The following TRPA1 variants were observed in gnomAD, a reference collection of about 807,000 sequenced individuals.
TRPA1 encodes the protein transient receptor potential cation channel subfamily A member 1.
Under a neutral mutation model 131.3 loss-of-function variants are expected in TRPA1, and 129 were observed. That is an observed-to-expected ratio of 0.98 (90% CI 0.85 to 1.14). The LOEUF (loss-of-function observed/expected upper bound fraction) is 1.14. Among genes scored for constraint, TRPA1 ranks in the 50% most tolerant of loss-of-function variants. The probability of loss-of-function intolerance (pLI) is 0.00; values close to 1 mark genes in which losing one functional copy is unlikely to be tolerated. For missense variants in TRPA1, 1,304 were observed against 1,354.2 expected (o/e 0.96, Z 0.58); for synonymous variants, 441 against 451.7 (o/e 0.98, Z 0.30).
At position 72,061,606 on chromosome 8, in the gene TRPA1, T is replaced by C. The variant is rs758659187; in HGVS notation, c.944+19A>G. ...GAAGATGAAAAATCTGTATACAGAATGATAGGTAGGAAACTTGCCTGTGAA... is the reference window on the plus strand; with the variant it reads ...GAAGATGAAAAATCTGTATACAGAACGATAGGTAGGAAACTTGCCTGTGAA... On this transcript the variant is annotated intron_variant, in intron 7 of 26. Transcript: ENST00000262209. The C allele has an allele frequency of 6.2e-7, 1 of 1,613,782 alleles. No homozygotes were observed. The highest frequency in any genetic ancestry group is 2.2e-5 in the East Asian group (1 of 44,858).
intron 3 of TRPA1, among the ~76,000 whole-genome samples, chr8:72,068,377 C>T (rs374399877): frequency 7.9e-5 from 12 of 152,254 alleles, no homozygotes; most frequent in African/African-American, 2.9e-4. Flanking sequence ...CTAATTCTTA[C>T]CCTTTAGCAA....
At chr8:72,086,635 C>A in the TRPA1 span, among the ~76,000 whole-genome samples, 1 of 152,116 alleles carries the variant, frequency 6.6e-6, no homozygotes, top group Non-Finnish European at 1.5e-5. Flanking sequence ...GTTTCTAATT[C>A]ATTTCTTTAT....
At chr8:72,048,645 A>C (rs1805411293) in intron 15 of TRPA1, among the ~76,000 whole-genome samples, 1 of 152,172 alleles carries the variant, frequency 6.6e-6, no homozygotes, top group African/African-American at 2.4e-5. Context: ...TTTCAAGAGC[A>C]ACTTTTCAGA....
chr8:72,075,336 A>T lies in TRPA1; in HGVS notation c.74T>A (p.Val25Glu). Residue 25 changes from valine (V) to glutamate (E), a missense_variant, in exon 1 of 27, where the codon GTG becomes GAG. By Grantham distance (121) the Val-to-Glu change is moderately radical. Transcript: ENST00000262209. The stretch of plus-strand genomic sequence containing the variant: ...CTTGAAATCCTCCGTGTCGTCCGGC[A>T]CATCCTCATAGACAACGCCCTGGGG... The part of the protein sequence containing the change: ...KEPQGVVYED[V>E]PDDTEDFKES... 6.2e-7 allele frequency: 1 copy of T among 1,613,354 alleles called. No homozygotes were observed. Among genetic ancestry groups the T allele is most frequent in the Non-Finnish European group, 8.5e-7 (1 of 1,179,836 alleles).
In TRPA1 at chr8:72,063,572, C is replaced by G. The variant is rs1805861243; in HGVS notation, c.553-1G>C. 6.2e-7 allele frequency: 1 copy of G among 1,607,322 alleles called. No homozygotes were observed. The highest frequency in any genetic ancestry group is 8.5e-7 in the Non-Finnish European group (1 of 1,174,432). On this transcript the variant is annotated splice_acceptor_variant, in intron 4 of 26. Transcript: ENST00000262209. LOFTEE classifies it high-confidence loss of function. ...TACATGGCTTAGCTCCTTTTTTAAGCTGGAAGAAAAGACAAAATGAAAAAT... is the reference window on the plus strand; with the variant it reads ...TACATGGCTTAGCTCCTTTTTTAAGGTGGAAGAAAAGACAAAATGAAAAAT...
At chr8:72,088,878 G>C in the TRPA1 span, among the ~76,000 whole-genome samples, 1 of 152,006 alleles carries the variant, frequency 6.6e-6, no homozygotes, top group Non-Finnish European at 1.5e-5. Context: ...CATTCCCAGG[G>C]CTCTTGGCAA....
In TRPA1 at chr8:72,071,863, A is replaced by G. The variant is rs778619032; in HGVS notation, c.116T>C (p.Val39Ala). The change falls in exon 2 of 27, where the codon GTT (valine) becomes GCT (alanine). Residue 39 changes from valine to alanine, a missense_variant. Coordinates refer to ENST00000262209, the MANE Select transcript of TRPA1 (RefSeq NM_007332.3). ...TAATCCATATGCACTTCCTTCAAAA[A>G]CCACCTAGAGGTATTTAAACACCAT... ...TEDFKESLKVVFEGSAYGLQN... is the reference protein window; with the variant it reads ...TEDFKESLKVAFEGSAYGLQN... 1.2e-6 allele frequency: 2 copies of G among 1,611,594 alleles called. No individual in the cohort carries two copies. Among genetic ancestry groups the G allele is most frequent in the Non-Finnish European group, 8.5e-7 (1 of 1,179,690 alleles).
At position 72,057,726 on chromosome 8, in the gene TRPA1, G is replaced by A; in HGVS notation, c.1084C>T (p.Leu362Phe). The A allele has an allele frequency of 5.6e-6, 9 of 1,613,222 alleles. No individual in the cohort carries two copies. The highest frequency in any genetic ancestry group is 7.6e-6 in the Non-Finnish European group (9 of 1,179,340). Residue 362 changes from leucine to phenylalanine, a missense_variant, in exon 9 of 27, where the codon CTC becomes TTC. Physicochemically the swap from Leu to Phe is conservative, Grantham distance 22. Transcript: ENST00000262209. The part of the protein sequence containing the change: ...SASWNIVNLL[L>F]SKGAQVDIKD... ...TGTTCCCTCTTGGTACCTTTAGAGAGTAGCAAATTTACAATATTCCAAGAT... is the reference window on the plus strand; with the variant it reads ...TGTTCCCTCTTGGTACCTTTAGAGAATAGCAAATTTACAATATTCCAAGAT...
chr8:72,057,174 A>C (rs1805689346), intron 9 of TRPA1, among the ~76,000 whole-genome samples, 157 bp from the exon 10 acceptor site: 1 of 152,188 alleles, frequency 6.6e-6, no homozygotes, highest in Non-Finnish European at 1.5e-5. Context: ...AACATATTTA[A>C]AATCAGGTTT....
intron 15 of TRPA1, among the ~76,000 whole-genome samples, chr8:72,048,874 T>C (rs1805417714): frequency 6.6e-6 from 1 of 152,222 alleles, no homozygotes; most frequent in Admixed American, 6.5e-5. Context: ...CTGTTTACTA[T>C]GTTTCCACAT....
intron 1 of TRPA1, among the ~76,000 whole-genome samples, chr8:72,072,124 C>A (rs1806077317): frequency 6.6e-6 from 1 of 152,164 alleles, no homozygotes; most frequent in African/African-American, 2.4e-5. Context: ...AAAGGCCGTT[C>A]TTCCTCATTG....
In TRPA1 at chr8:72,043,149, C is replaced by T. The variant is rs373320807; in HGVS notation, c.2062-3352G>A. Among the ~76,000 whole-genome samples, 19 of 151,970 alleles carry T rather than the reference C, an allele frequency of 1.3e-4. No individual in the cohort carries two copies. In the South Asian group the frequency reaches 3.9e-3, roughly 31 times the overall value. The stretch of plus-strand genomic sequence containing the variant: ...CGGGATAAGGCCATAGTTCTCACCA[C>T]ACCTAAGCCTCAGTTCTAGGCAGGC... On this transcript the variant is annotated intron_variant, in intron 17 of 26. Transcript: ENST00000262209.
Position 72,075,460 on chromosome 8 carries a change from C to T in TRPA1, c.-51G>A, listed in dbSNP as rs1445558738. On this transcript the variant is annotated 5_prime_UTR_variant, in exon 1 of 27. Transcript: ENST00000262209. ...TGCAGCTGCTCACCACGCGCGCGGGCACCTGGGGCGAGAGAGCGCTGTCAG... is the reference window on the plus strand; with the variant it reads ...TGCAGCTGCTCACCACGCGCGCGGGTACCTGGGGCGAGAGAGCGCTGTCAG... The T allele has an allele frequency of 1.4e-6, 2 of 1,470,390 alleles. No individual in the cohort carries two copies. Among genetic ancestry groups the T allele is most frequent in the South Asian group, 2.3e-5 (2 of 88,360 alleles). The allele number at this position is 1,470,390 out of a possible 1,614,324, so 91.1% of individuals were successfully genotyped here.
upstream of TRPA1, among the ~76,000 whole-genome samples, chr8:72,078,081 G>GA (rs140349694): frequency 0.038 from 5,812 of 151,416 alleles, 377 homozygotes; most frequent in African/African-American, 0.13. Context: ...AACATTTTAT[G>GA]AAAAAAATCT....
chr8:72,046,471 A>G (rs1393853766), intron 17 of TRPA1, 42 bp downstream of exon 17: 2 of 1,224,018 alleles, frequency 1.6e-6, no homozygotes, highest in African/African-American at 1.6e-5. Context: ...AAAAAAAAAG[A>G]AAAAAAAGAA....
chr8:72,088,042 C>T, the TRPA1 span, among the ~76,000 whole-genome samples: 5,840 of 152,304 alleles, frequency 0.038, 378 homozygotes, highest in African/African-American at 0.13. Flanking sequence ...ACTTTTGCTG[C>T]CTGTTGCTTA....
At chr8:72,053,998 T>G in intron 12 of TRPA1, 131 bp from the exon 13 acceptor site, 1 of 681,018 alleles carries the variant, frequency 1.5e-6, no homozygotes, top group Non-Finnish European at 2.6e-6. Flanking sequence ...AACTAAATAT[T>G]TATAAAACAT....
intron 21 of TRPA1, among the ~76,000 whole-genome samples, chr8:72,034,993 G>A (rs1014573700): frequency 2.6e-5 from 4 of 152,184 alleles, no homozygotes; most frequent in African/African-American, 9.7e-5. Flanking sequence ...GCTGCATCAT[G>A]CAGAGACTGA....
chr8:72,064,981 C>A (rs998219221), intron 4 of TRPA1, among the ~76,000 whole-genome samples: 13 of 152,176 alleles, frequency 8.5e-5, no homozygotes, highest in Admixed American at 7.9e-4. Context: ...TTTTGAGACC[C>A]AATGACAATA....
Sources: gnomAD v4.1 joint callset for allele counts (sites outside exome capture counted in the v4.1 genomes callset) on GRCh38, gnomAD v4.1.1 for gene constraint, MANE v1.5 for transcripts, NCBI Gene and HGNC (gene_info 2026-07-23, HGNC 2026-07-21) for gene names.